The following RAPGEF3 variants were observed in gnomAD, a reference collection of about 807,000 sequenced individuals.
The protein encoded by RAPGEF3 is Rap guanine nucleotide exchange factor 3, also known as 9330170P05Rik.
Under a neutral mutation model 129.8 loss-of-function variants are expected in RAPGEF3, and 103 were observed. That is an observed-to-expected ratio of 0.79 (90% CI 0.68 to 0.93). The LOEUF (loss-of-function observed/expected upper bound fraction) is 0.93, where lower values mean the gene tolerates loss of function less well. Ranked by LOEUF, RAPGEF3 falls within the 40% of genes least tolerant of loss-of-function variation. The pLI, the probability that RAPGEF3 is intolerant of heterozygous loss-of-function variation, is 0.00. For missense variants in RAPGEF3, 1,117 were observed against 1,207.4 expected (o/e 0.93, Z 1.11); for synonymous variants, 436 against 482.6 (o/e 0.90, Z 1.26).
At position 47,758,596 on chromosome 12, in the gene RAPGEF3, A is replaced by G; in HGVS notation, c.-40T>C. 2 of 1,613,094 alleles carry G rather than the reference A, an allele frequency of 1.2e-6. No homozygotes were observed. The highest frequency in any genetic ancestry group is 2.2e-5 in the East Asian group (1 of 44,802). On this transcript the variant is annotated 5_prime_UTR_variant, in exon 1 of 28. Coordinates refer to ENST00000449771, the MANE Select transcript of RAPGEF3 (RefSeq NM_001098531.4). ...TCGCACAGCCGTGCAGGCTCTAGCA[A>G]AAGGCTGGGGGGTCCCCAGCGACCC...
chr12:47,738,145 G>C, intron 26 of RAPGEF3, 48 bp downstream of exon 26: 5 of 1,613,934 alleles, frequency 3.1e-6, no homozygotes, highest in Non-Finnish European at 4.2e-6. Context: ...GAGCCTCACA[G>C]AGGATGTAGG....
chr12:47,750,534 T>G, intron 6 of RAPGEF3, 109 bp from the exon 7 acceptor site: 1 of 950,612 alleles, frequency 1.1e-6, no homozygotes, highest in Non-Finnish European at 1.6e-6. Context: ...GCCTCAGCAG[T>G]GACAGTTATC....
intron 23 of RAPGEF3, 143 bp downstream of exon 23, chr12:47,739,998 C>A (rs771084771): frequency 5.4e-5 from 54 of 1,003,862 alleles, no homozygotes; most frequent in Non-Finnish European, 7.7e-5. Flanking sequence ...TGGAGCTAGG[C>A]CCTGGGCCGA....
In RAPGEF3 at chr12:47,749,790, G is replaced by A. The variant is rs754866777; in HGVS notation, c.845C>T (p.Ser282Leu). 1.4e-5 allele frequency: 22 copies of A among 1,614,190 alleles called. No individual in the cohort carries two copies. Among genetic ancestry groups the A allele is most frequent in the Middle Eastern group, 1.6e-4 (1 of 6,062 alleles). The change falls in exon 9 of 28, where the codon TCG becomes TTG. Residue 282 changes from serine (S) to leucine (L), a missense_variant. This residue lies in a region of RAPGEF3 where 367 missense variants were observed against 373.4 expected (regional missense o/e 0.98). Coordinates refer to ENST00000449771, the MANE Select transcript of RAPGEF3 (RefSeq NM_001098531.4). The surrounding 1 kb of genome is among the most constrained non-coding windows in gnomAD (Gnocchi z 4.5). ...AGATCCCTTCCAGATAATGTACCACGAAGTGCCCTTGTCCCCCTGGCTGAA... is the reference window on the plus strand; with the variant it reads ...AGATCCCTTCCAGATAATGTACCACAAAGTGCCCTTGTCCCCCTGGCTGAA... ...VLFSQGDKGT[S>L]WYIIWKGSVN...
intron 13 of RAPGEF3, 24 bp downstream of exon 13, chr12:47,748,050 A>C (rs764361468): frequency 1.3e-6 from 2 of 1,562,876 alleles, no homozygotes; most frequent in Non-Finnish European, 8.7e-7. Flanking sequence ...CATGCACACC[A>C]TCCCCCTGGA....
intron 18 of RAPGEF3, among the ~76,000 whole-genome samples, chr12:47,743,057 C>T (rs140622729): frequency 1.3e-5 from 2 of 152,306 alleles, no homozygotes; most frequent in African/African-American, 2.4e-5. Flanking sequence ...ATAAAAGTAC[C>T]TGTATCTCAT....
chr12:47,752,079 T>A, intron 2 of RAPGEF3, 110 bp from the exon 3 acceptor site: 1 of 1,135,412 alleles, frequency 8.8e-7, no homozygotes, highest in Non-Finnish European at 1.3e-6. Context: ...CAACCCCAAA[T>A]GCATCCATGT....
intron 22 of RAPGEF3, 28 bp from the exon 23 acceptor site, chr12:47,740,219 G>C (rs1302679492): frequency 6.2e-7 from 1 of 1,613,410 alleles, no homozygotes. Context: ...ATGAGCGGCT[G>C]CTCTGGGGGA....
chr12:47,740,077 T>A, intron 23 of RAPGEF3, 64 bp downstream of exon 23: 1 of 1,543,222 alleles, frequency 6.5e-7, no homozygotes, highest in Admixed American at 1.8e-5. Flanking sequence ...TGAGGGTGTC[T>A]GGAGGGCAGG....
chr12:47,749,740 C>G lies in RAPGEF3; in HGVS notation c.894+1G>C. The G allele has an allele frequency of 2.5e-6, 4 of 1,614,182 alleles. No individual in the cohort carries two copies. The highest frequency in any genetic ancestry group is 2.5e-6 in the Non-Finnish European group (3 of 1,180,038). On this transcript the variant is annotated splice_donor_variant, in intron 9 of 27. Transcript: ENST00000449771. LOFTEE classifies it high-confidence loss of function. This position sits in a 1 kb window ranked among gnomAD's most constrained non-coding sequence, Gnocchi z 4.5. ...TGGGGTGGGGAGGAGGGAGGGCTCA[C>G]CTTGCCATGGGTCACCACGTTGACA...
chr12:47,755,337 C>T (rs1941990703), intron 2 of RAPGEF3, among the ~76,000 whole-genome samples: 1 of 152,140 alleles, frequency 6.6e-6, no homozygotes, highest in Non-Finnish European at 1.5e-5. Context: ...TAAAGGCAAA[C>T]CTCTTTCAAT....
chr12:47,748,342 T>A, intron 12 of RAPGEF3, 112 bp downstream of exon 12: 17 of 1,120,040 alleles, frequency 1.5e-5, no homozygotes, highest in Non-Finnish European at 2.2e-5. Context: ...CCAACTTCTG[T>A]ACAGACCAAT....
rs1940801769 is a variant in RAPGEF3, at chr12:47,736,435, G to A, written c.*1132C>T. 6.6e-6 allele frequency: 1 copy of A among 152,332 alleles called. No individual in the cohort carries two copies. Among genetic ancestry groups the A allele is most frequent in the Non-Finnish European group, 1.5e-5 (1 of 68,116 alleles). 9.4% of individuals were successfully genotyped at this position (152,332 alleles called of 1,614,324 possible). ...GACTCAGGGCAATAGCAAGGCAAGA[G>A]GGTGGAGTCCCTGGAGCTTCCTGGG... On this transcript the variant is annotated 3_prime_UTR_variant, in exon 28 of 28. Transcript: ENST00000449771.
intron 16 of RAPGEF3, 52 bp from the exon 17 acceptor site, chr12:47,744,120 CG>C: frequency 1.4e-6 from 2 of 1,455,228 alleles, no homozygotes; most frequent in Non-Finnish European, 1.9e-6. Context: ...GAGAGGAGAC[CG>C]TGGAGGGAGG....
In RAPGEF3 at chr12:47,758,581, G is replaced by T. The variant is rs750531972; in HGVS notation, c.-25C>A. ...TGTTTCTTTTCAAGCTCGCACAGCC[G>T]TGCAGGCTCTAGCAAAAGGCTGGGG... On this transcript the variant is annotated 5_prime_UTR_variant, in exon 1 of 28. Coordinates refer to ENST00000449771, the MANE Select transcript of RAPGEF3 (RefSeq NM_001098531.4). 4.3e-6 allele frequency: 7 copies of T among 1,613,582 alleles called. No homozygotes were observed. Among genetic ancestry groups the T allele is most frequent in the Admixed American group, 1.7e-5 (1 of 59,972 alleles).
chr12:47,737,271 T>C lies in RAPGEF3; in HGVS notation c.*296A>G. 2.5e-6 allele frequency: 1 copy of C among 403,132 alleles called. No homozygotes were observed. Among genetic ancestry groups the C allele is most frequent in the Non-Finnish European group, 4.6e-6 (1 of 218,200 alleles). 25.0% of individuals were successfully genotyped at this position (403,132 alleles called of 1,614,324 possible). A position where few individuals can be genotyped will look rare whatever the true frequency, so the allele number is the denominator to read the frequency against. ...GGAAGACATCTGGTGTGGAGACCTCTCTATTGCACACAACGTCCCAGCGCA... is the reference window on the plus strand; with the variant it reads ...GGAAGACATCTGGTGTGGAGACCTCCCTATTGCACACAACGTCCCAGCGCA... On this transcript the variant is annotated 3_prime_UTR_variant, in exon 28 of 28. Transcript: ENST00000449771.
intron 16 of RAPGEF3, chr12:47,745,324 G>C (rs113463950): frequency 2.0e-5 from 3 of 152,336 alleles, no homozygotes; most frequent in African/African-American, 7.2e-5. Flanking sequence ...GAAAGCCCAG[G>C]CTCTTTAGCT....
intron 23 of RAPGEF3, 85 bp from the exon 24 acceptor site, chr12:47,739,315 A>C (rs1940993174): frequency 9.5e-7 from 1 of 1,055,416 alleles, no homozygotes; most frequent in African/African-American, 1.6e-5. Flanking sequence ...CCACATGCCC[A>C]TCCCACAGCA....
rs201123081 is a variant in RAPGEF3, at chr12:47,757,977, C to T, written c.108G>A (p.Pro36=). 2.9e-4 allele frequency: 450 copies of T among 1,566,716 alleles called. 2 individuals are homozygous for T. In the African/African-American group the frequency reaches 5.1e-3, roughly 18 times the overall value. The change falls in exon 2 of 28, where the codon CCG becomes CCA. Residue 36 remains proline, a synonymous_variant. Coordinates refer to ENST00000449771, the MANE Select transcript of RAPGEF3 (RefSeq NM_001098531.4). The part of the protein sequence containing the change: ...PRVGALPDVV[P]EGTLLNMVLR... The stretch of plus-strand genomic sequence containing the variant: ...ACACCATGTTGAGTAGTGTCCCCTC[C>T]GGCACCACGTCAGGGAGGGCTCCCA...
Sources: gnomAD v4.1 joint callset for allele counts (sites outside exome capture counted in the v4.1 genomes callset) on GRCh38, gnomAD v4.1.1 for gene constraint, gnomAD v4.1.1 regional missense constraint, Gnocchi (gnomAD v3.1) non-coding constraint, MANE v1.5 for transcripts, NCBI Gene and HGNC (gene_info 2026-07-23, HGNC 2026-07-21) for gene names.